Variants in CPED1 observed in about 807,000 individuals in gnomAD.
CPED1 encodes cadherin-like and PC-esterase domain-containing protein 1.
A neutral mutation model predicts 128.2 loss-of-function variants in CPED1; 114 were observed. The observed-to-expected ratio is 0.89, with a 90% CI of 0.76 to 1.04. The LOEUF (loss-of-function observed/expected upper bound fraction) is 1.04. CPED1 is among the 50% of genes least tolerant of loss of function. The pLI is 0.00. For synonymous variants in CPED1, 462 were observed against 426.7 expected (o/e 1.08, Z -1.02); for missense variants, 1,211 against 1,207.1 (o/e 1.00, Z -0.05).
At chr7:121,291,928 G>A (rs756759128) in intron 22 of CPED1, among the ~76,000 whole-genome samples, 5 of 152,060 alleles carry the variant, frequency 3.3e-5, no homozygotes, top group Non-Finnish European at 5.9e-5. Flanking sequence ...TATGATACTG[G>A]CTGTGGGTTT....
chr7:121,227,938 C>A (rs998394802), intron 16 of CPED1, among the ~76,000 whole-genome samples: 1 of 151,928 alleles, frequency 6.6e-6, no homozygotes, highest in Non-Finnish European at 1.5e-5. Flanking sequence ...TTGGAATAAA[C>A]TTATAGCAGA....
At chr7:121,091,713 T>A (rs1268999237) in intron 5 of CPED1, among the ~76,000 whole-genome samples, 1 of 152,202 alleles carries the variant, frequency 6.6e-6, no homozygotes, top group African/African-American at 2.4e-5. Context: ...GTATTACTAT[T>A]CTTATTATTC....
At chr7:121,231,806 A>T (rs1310062877) in intron 16 of CPED1, among the ~76,000 whole-genome samples, 3 of 152,190 alleles carry the variant, frequency 2.0e-5, no homozygotes. Context: ...GAAGAAAAGT[A>T]TATTTTATTT....
chr7:121,016,219 G>A (rs1792297655), intron 3 of CPED1, among the ~76,000 whole-genome samples: 1 of 152,100 alleles, frequency 6.6e-6, no homozygotes, highest in Non-Finnish European at 1.5e-5. Flanking sequence ...AGAATGTGCT[G>A]GAAATTGTTT....
intron 5 of CPED1, among the ~76,000 whole-genome samples, chr7:121,086,751 T>G (rs766494842): frequency 3.3e-5 from 5 of 152,242 alleles, no homozygotes; most frequent in Admixed American, 6.5e-5. Flanking sequence ...AGCACAGTGC[T>G]GAAAACCTGA....
At chr7:121,117,749 C>T (rs1376279236) in intron 7 of CPED1, among the ~76,000 whole-genome samples, 1 of 152,132 alleles carries the variant, frequency 6.6e-6, no homozygotes, top group Non-Finnish European at 1.5e-5. Flanking sequence ...CTTCACCTTT[C>T]ATACGGATCA....
intron 16 of CPED1, among the ~76,000 whole-genome samples, chr7:121,212,143 T>G (rs1416452795): frequency 1.3e-5 from 2 of 151,998 alleles, no homozygotes; most frequent in Non-Finnish European, 2.9e-5. Flanking sequence ...CCGATATGGC[T>G]GTGTTGGGTT....
At chr7:121,236,636 A>T (rs1017114839) in intron 16 of CPED1, 78 bp from the exon 17 acceptor site, 8 of 802,484 alleles carry the variant, frequency 1.0e-5, no homozygotes, top group Non-Finnish European at 3.9e-6. Flanking sequence ...TTTGCCACAT[A>T]AAGTCTTATT....
At chr7:121,237,867 C>T (rs1033727310) in intron 17 of CPED1, among the ~76,000 whole-genome samples, 1 of 152,118 alleles carries the variant, frequency 6.6e-6, no homozygotes, top group East Asian at 1.9e-4. Flanking sequence ...AACATGTGTT[C>T]TAAATAATAA....
At chr7:121,179,067 TG>T (rs1796845210) in intron 16 of CPED1, among the ~76,000 whole-genome samples, 1 of 151,814 alleles carries the variant, frequency 6.6e-6, no homozygotes, top group Admixed American at 6.6e-5. Context: ...TACCGTGTTT[TG>T]GAAACCAAAA....
intron 22 of CPED1, among the ~76,000 whole-genome samples, chr7:121,280,392 C>T (rs78670457): frequency 5.9e-5 from 9 of 152,036 alleles, no homozygotes; most frequent in East Asian, 1.9e-4. Flanking sequence ...AATCAGTCTC[C>T]GCACCTCAGA....
rs557376588 is a variant in CPED1 at position 121,194,936 on chromosome 7, A to T, written c.2056-41778A>T. On this transcript the variant is annotated intron_variant, in intron 16 of 22. Coordinates refer to ENST00000310396, the MANE Select transcript of CPED1 (RefSeq NM_024913.5). ...GGCTTGTTCCACCATGCCAGGCTAA[A>T]TTTTCTGTTTTAAAAATATGGAACG... 3 of 151,952 alleles carry T rather than the reference A, an allele frequency of 2.0e-5. No individual in the cohort carries two copies. In the South Asian group the frequency reaches 6.3e-4, roughly 32 times the overall value. The allele number at this position is 151,952 out of a possible 1,614,324, so 9.4% of individuals were successfully genotyped here. A position where few individuals can be genotyped will look rare whatever the true frequency, so the allele number is the denominator to read the frequency against.
intron 4 of CPED1, among the ~76,000 whole-genome samples, chr7:121,063,247 A>G (rs1793726875): frequency 1.3e-5 from 2 of 152,136 alleles, no homozygotes; most frequent in South Asian, 4.1e-4. Context: ...GATTTCATCA[A>G]TGCACAGTTG....
At chr7:121,236,547 A>G (rs28581577) in intron 16 of CPED1, among the ~76,000 whole-genome samples, 167 bp from the exon 17 acceptor site, 6,769 of 152,230 alleles carry the variant, frequency 0.044, 482 homozygotes, top group African/African-American at 0.15. Context: ...ATTGTTATCT[A>G]CTTCTAGCAC....
intron 22 of CPED1, among the ~76,000 whole-genome samples, chr7:121,286,441 C>T (rs565882672): frequency 6.6e-6 from 1 of 152,336 alleles, no homozygotes; most frequent in South Asian, 2.1e-4. Flanking sequence ...GAATGCCCTG[C>T]CTGTCAGTGC....
In CPED1 at chr7:121,249,192, T is replaced by C. The variant is rs150330375; in HGVS notation, c.2310+4854T>C. On this transcript the variant is annotated intron_variant, in intron 18 of 22. Coordinates refer to ENST00000310396, the MANE Select transcript of CPED1 (RefSeq NM_024913.5). Reference sequence around the variant, plus strand: ...TATGAGATTATATAAACAGAACAAATCTGCAACTCATTGGCATTCCTGAGA... The same window carrying C: ...TATGAGATTATATAAACAGAACAAACCTGCAACTCATTGGCATTCCTGAGA... Among the ~76,000 whole-genome samples, 58 of 152,076 alleles carry C rather than the reference T, an allele frequency of 3.8e-4. 2 individuals carry two copies. In the East Asian group the frequency reaches 9.9e-3, roughly 26 times the overall value.
chr7:121,243,293 A>G (rs529772254), intron 17 of CPED1, among the ~76,000 whole-genome samples: 2 of 152,286 alleles, frequency 1.3e-5, no homozygotes, highest in South Asian at 2.1e-4. Flanking sequence ...ATGATGTGCT[A>G]TGTTCACACT....
At chr7:121,287,223 C>T (rs1792598998) in intron 22 of CPED1, among the ~76,000 whole-genome samples, 2 of 152,216 alleles carry the variant, frequency 1.3e-5, no homozygotes, top group Admixed American at 1.3e-4. Flanking sequence ...AGTAGCACCA[C>T]CATCAGTGCC....
At chr7:121,256,132 A>AAAAAAC (rs1562852766) in intron 18 of CPED1, among the ~76,000 whole-genome samples, 18 of 147,962 alleles carry the variant, frequency 1.2e-4, no homozygotes, top group African/African-American at 4.0e-4. Flanking sequence ...AACAAAACAA[A>AAAAAAC]AAAAAAAAAC....
Sources: gnomAD v4.1 joint callset for allele counts (sites outside exome capture counted in the v4.1 genomes callset) on GRCh38, gnomAD v4.1.1 for gene constraint, MANE v1.5 for transcripts, NCBI Gene and HGNC (gene_info 2026-07-23, HGNC 2026-07-21) for gene names.